Variants in XPOT observed in about 807,000 individuals in gnomAD.
The protein encoded by XPOT is exportin for tRNA.
In XPOT, 34 loss-of-function variants were observed where a neutral mutation model predicts 128.2. The ratio of observed to expected loss-of-function variants is 0.27; its 90% CI spans 0.20 to 0.35. The LOEUF (loss-of-function observed/expected upper bound fraction) is 0.35. Ranked by LOEUF, XPOT falls within the 10% of genes least tolerant of loss-of-function variation. The pLI, the probability that XPOT is intolerant of heterozygous loss-of-function variation, is 1.00. For missense variants in XPOT, 838 were observed against 1,125.3 expected (o/e 0.74, Z 3.65); for synonymous variants, 348 against 394.3 (o/e 0.88, Z 1.39).
rs139568534 is a variant in XPOT, at chr12:64,424,102, C to T, written c.1183-497C>T. Among the ~76,000 whole-genome samples, 460 of 152,232 alleles carry T rather than the reference C, an allele frequency of 3.0e-3. 1 individual carries two copies. The highest frequency in any genetic ancestry group is 4.1e-3 in the Non-Finnish European group (280 of 68,020). On this transcript the variant is annotated intron_variant, in intron 11 of 24. Transcript: ENST00000332707. ...AATAGTGGTGCTGACCAACACACTG[C>T]GCACCTGGGATGTGCCAGGCTCCTA...
intron 22 of XPOT, among the ~76,000 whole-genome samples, chr12:64,436,352 G>A (rs192243925): frequency 3.4e-4 from 52 of 152,190 alleles, no homozygotes; most frequent in African/African-American, 1.2e-3. Flanking sequence ...ACCTCCTGGA[G>A]TCTCAACTGA....
intron 21 of XPOT, among the ~76,000 whole-genome samples, chr12:64,435,263 G>A (rs2040273231): frequency 6.6e-6 from 1 of 152,090 alleles, no homozygotes; most frequent in Non-Finnish European, 1.5e-5. Flanking sequence ...TAATCATTAA[G>A]AGCATGAAAT....
intron 3 of XPOT, among the ~76,000 whole-genome samples, chr12:64,415,777 AT>A (rs2040082341): frequency 6.6e-6 from 1 of 152,088 alleles, no homozygotes. Context: ...ACTAACTAGC[AT>A]TCACTTTATT....
At chr12:64,423,569 T>A (rs2040162357) in intron 11 of XPOT, among the ~76,000 whole-genome samples, 1 of 152,088 alleles carries the variant, frequency 6.6e-6, no homozygotes, top group Non-Finnish European at 1.5e-5. Context: ...TTCTTGTGCC[T>A]CAGCCACCTT....
At chr12:64,433,957 A>T (rs1234633843) in intron 19 of XPOT, among the ~76,000 whole-genome samples, 1 of 152,148 alleles carries the variant, frequency 6.6e-6, no homozygotes, top group Non-Finnish European at 1.5e-5. Context: ...AGAATTCTGT[A>T]TAGGAAATTT....
At position 64,441,384 on chromosome 12, in the gene XPOT, T is replaced by C. The variant is rs1414260115; in HGVS notation, c.2805+2069T>C. On this transcript the variant is annotated intron_variant, in intron 23 of 24. Coordinates refer to ENST00000332707, the MANE Select transcript of XPOT (RefSeq NM_007235.6). ...CAAACGCCTGGACTCAAAGAATCCTTCTGCCTCTGCCTCCCAAGTAGCTAG... is the reference window on the plus strand; with the variant it reads ...CAAACGCCTGGACTCAAAGAATCCTCCTGCCTCTGCCTCCCAAGTAGCTAG... Among the ~76,000 whole-genome samples the C allele has an allele frequency of 2.6e-5, 4 of 152,234 alleles. No individual in the cohort carries two copies. The East Asian group carries it at 7.7e-4, about 29-fold the overall frequency.
At chr12:64,405,755 T>C (rs2039974799) in intron 1 of XPOT, among the ~76,000 whole-genome samples, 1 of 151,912 alleles carries the variant, frequency 6.6e-6, no homozygotes, top group African/African-American at 2.4e-5. Context: ...AGTAGCTCTA[T>C]TACAGGTGCG....
rs114175974 is a variant in XPOT, at chr12:64,409,188, C to T, written c.-74-774C>T. Among the ~76,000 whole-genome samples, 1,362 of 152,140 alleles carry T rather than the reference C, an allele frequency of 9.0e-3. 20 individuals carry two copies. Among genetic ancestry groups the T allele is most frequent in the African/African-American group, 0.031 (1,272 of 41,484 alleles). ...ATATTGAACTCTGAGGTCAGCCATT[C>T]TAATGTTTTAAAGAAGGTTTGTGAT... On this transcript the variant is annotated intron_variant, in intron 1 of 24. Coordinates refer to ENST00000332707, the MANE Select transcript of XPOT (RefSeq NM_007235.6).
chr12:64,407,845 G>A (rs1053363563), intron 1 of XPOT, among the ~76,000 whole-genome samples: 6 of 152,224 alleles, frequency 3.9e-5, no homozygotes, highest in East Asian at 1.9e-4. Flanking sequence ...CTGCAAGTAC[G>A]TTATGAACCA....
In XPOT at chr12:64,424,540, G is replaced by A; in HGVS notation, c.1183-59G>A. Reference sequence around the variant, plus strand: ...CATAGGTATACATGTAGCCATGGTGGTTTGCTGCGCCGATCAACCCATAAG... The same window carrying A: ...CATAGGTATACATGTAGCCATGGTGATTTGCTGCGCCGATCAACCCATAAG... On this transcript the variant is annotated intron_variant, in intron 11 of 24. Coordinates refer to ENST00000332707, the MANE Select transcript of XPOT (RefSeq NM_007235.6). 3 of 1,593,140 alleles carry A rather than the reference G, an allele frequency of 1.9e-6. No individual in the cohort carries two copies. In the Admixed American group the frequency reaches 5.1e-5, roughly 27 times the overall value.
intron 3 of XPOT, 105 bp downstream of exon 3, chr12:64,415,094 A>AT: frequency 1.4e-6 from 1 of 725,410 alleles, no homozygotes. Flanking sequence ...ACATTTTATG[A>AT]CTTTTTTTTT....
chr12:64,446,191 C>G (rs1323275279), intron 24 of XPOT, among the ~76,000 whole-genome samples: 2 of 152,190 alleles, frequency 1.3e-5, no homozygotes, highest in Non-Finnish European at 2.9e-5. Context: ...TCCTCACTAT[C>G]TGTTAGAGGT....
At position 64,434,918 on chromosome 12, in the gene XPOT, C is replaced by CT; in HGVS notation, c.2685+10dup. 1 of 1,606,926 alleles carries CT rather than the reference C, an allele frequency of 6.2e-7. No homozygotes were observed. The highest frequency in any genetic ancestry group is 8.5e-7 in the Non-Finnish European group (1 of 1,175,282). On this transcript the variant is annotated intron_variant, in intron 21 of 24. Coordinates refer to ENST00000332707, the MANE Select transcript of XPOT (RefSeq NM_007235.6). ...ATGCACAAACAGTATTGGTAAGCACCTAGGAATCTTTGTTTACCTTGTGTA... is the reference window on the plus strand; with the variant it reads ...ATGCACAAACAGTATTGGTAAGCACCTTAGGAATCTTTGTTTACCTTGTGTA...
rs762155020 is a variant in XPOT, at chr12:64,424,603, A to C, written c.1187A>C (p.Glu396Ala). Reference protein sequence around the residue: ...DEEYNFENEGEDEAMFVEYRK... With the variant: ...DEEYNFENEGADEAMFVEYRK... ...GGATTTTAACCTGTATCATAGGGTG[A>C]AGATGAAGCCATGTTTGTAGAATAT... Residue 396 changes from glutamate (E) to alanine (A), a missense_variant, in exon 12 of 25, where the codon GAA (glutamate) becomes GCA (alanine). Glu to Ala is a moderately radical substitution (Grantham distance 107). Coordinates refer to ENST00000332707, the MANE Select transcript of XPOT (RefSeq NM_007235.6). The C allele has an allele frequency of 6.2e-7, 1 of 1,611,892 alleles. No individual in the cohort carries two copies. The highest frequency in any genetic ancestry group is 2.2e-5 in the East Asian group (1 of 44,868).
chr12:64,430,316 A>G lies in XPOT; in HGVS notation c.1976+29A>G, dbSNP rs754071206. ...AGTGTGATCACAGTTAAAATTATAAAGTGCATGTATCTACACAGACAGAAC... is the reference window on the plus strand; with the variant it reads ...AGTGTGATCACAGTTAAAATTATAAGGTGCATGTATCTACACAGACAGAAC... On this transcript the variant is annotated intron_variant, in intron 17 of 24. Transcript: ENST00000332707. 4 of 1,515,092 alleles carry G rather than the reference A, an allele frequency of 2.6e-6. No individual in the cohort carries two copies. In the African/African-American group the frequency reaches 5.6e-5, roughly 21 times the overall value. The allele number at this position is 1,515,092 out of a possible 1,614,324, so 93.9% of individuals were successfully genotyped here. A position where few individuals can be genotyped will look rare whatever the true frequency, so the allele number is the denominator to read the frequency against.
At position 64,436,835 on chromosome 12, in the gene XPOT, C is replaced by T. The variant is rs183746900; in HGVS notation, c.2733+1161C>T. On this transcript the variant is annotated intron_variant, in intron 22 of 24. Transcript: ENST00000332707. The stretch of plus-strand genomic sequence containing the variant: ...GGCTCAAACATTCCTCCTGCCTTGG[C>T]TTCCCAAAATGCTGGTATTACACCA... Among the ~76,000 whole-genome samples, 52 of 152,360 alleles carry T rather than the reference C, an allele frequency of 3.4e-4. No individual in the cohort carries two copies. The East Asian group carries it at 8.7e-3, about 25-fold the overall frequency.
intron 8 of XPOT, 51 bp from the exon 9 acceptor site, chr12:64,421,184 C>T (rs760787096): frequency 2.0e-5 from 27 of 1,356,340 alleles, no homozygotes; most frequent in Non-Finnish European, 2.7e-5. Flanking sequence ...AGTTTTTCCT[C>T]TTAGCTTGGG....
At chr12:64,416,886 A>G (rs995654244) in intron 4 of XPOT, 132 bp downstream of exon 4, 4 of 845,332 alleles carry the variant, frequency 4.7e-6, no homozygotes, top group South Asian at 1.7e-5. Context: ...TCCAGGTTAT[A>G]GATACGTTTT....
At chr12:64,417,405 A>T (rs2040097524) in intron 4 of XPOT, among the ~76,000 whole-genome samples, 1 of 152,116 alleles carries the variant, frequency 6.6e-6, no homozygotes, top group Admixed American at 6.6e-5. Context: ...AAAATTAGCC[A>T]GGCATGATTG....
Sources: gnomAD v4.1 joint callset for allele counts (sites outside exome capture counted in the v4.1 genomes callset) on GRCh38, gnomAD v4.1.1 for gene constraint, MANE v1.5 for transcripts, NCBI Gene and HGNC (gene_info 2026-07-23, HGNC 2026-07-21) for gene names.